LSAMP: variants seen among roughly 807,000 people sequenced by gnomAD.
LSAMP encodes limbic system-associated membrane protein.
In LSAMP, 7 loss-of-function variants were observed where a neutral mutation model predicts 38.6. The observed-to-expected ratio is 0.18, with a 90% CI of 0.10 to 0.34. The LOEUF is 0.34. Among genes scored for constraint, LSAMP ranks in the 10% least tolerant of loss-of-function variants. The probability of loss-of-function intolerance (pLI) is 1.00; values close to 1 mark genes in which losing one functional copy is unlikely to be tolerated. For synonymous variants in LSAMP, 154 were observed against 166.8 expected (o/e 0.92, Z 0.59); for missense variants, 313 against 420.0 (o/e 0.75, Z 2.23).
intron 2 of LSAMP, among the ~76,000 whole-genome samples, chr3:116,053,307 G>A (rs537722102): frequency 6.6e-6 from 1 of 152,304 alleles, no homozygotes; most frequent in African/African-American, 2.4e-5. Flanking sequence ...CTAGCTCAAG[G>A]TACTTCAGGG....
At chr3:116,207,239 C>T (rs371519397) in intron 1 of LSAMP, among the ~76,000 whole-genome samples, 2 of 151,786 alleles carry the variant, frequency 1.3e-5, no homozygotes, top group East Asian at 1.9e-4. Context: ...CTGCCTTTTT[C>T]TGTTTTCCAT....
chr3:115,903,185 C>T (rs1936922664), intron 3 of LSAMP, among the ~76,000 whole-genome samples: 1 of 152,126 alleles, frequency 6.6e-6, no homozygotes. Flanking sequence ...ATGTCCTTTG[C>T]AGGAACATGG....
intron 1 of LSAMP, among the ~76,000 whole-genome samples, chr3:116,272,536 T>TGAA (rs1229202489): frequency 6.6e-6 from 1 of 152,200 alleles, no homozygotes; most frequent in African/African-American, 2.4e-5. Flanking sequence ...AATTTCTCAA[T>TGAA]GAAGAATTAA....
Position 115,843,419 on chromosome 3 carries a change from A to T in LSAMP, c.650-841T>A, listed in dbSNP as rs535653616. The stretch of plus-strand genomic sequence containing the variant: ...GTTTGCATGTCCACTTGACTTTGTT[A>T]GGATTATAGACTCAAGCTCCTGAAC... On this transcript the variant is annotated intron_variant, in intron 4 of 6. Transcript: ENST00000490035. Among the ~76,000 whole-genome samples the T allele has an allele frequency of 1.1e-4, 16 of 152,166 alleles. No individual in the cohort carries two copies. In the South Asian group the frequency reaches 3.3e-3, roughly 32 times the overall value.
chr3:116,426,555 G>A (rs2049199347), intron 1 of LSAMP, among the ~76,000 whole-genome samples: 1 of 151,052 alleles, frequency 6.6e-6, no homozygotes, highest in Non-Finnish European at 1.5e-5. Flanking sequence ...TAGAATGATA[G>A]CAGTGGGAAT....
intron 1 of LSAMP, among the ~76,000 whole-genome samples, chr3:116,140,231 A>G (rs901980857): frequency 3.9e-5 from 6 of 151,996 alleles, no homozygotes; most frequent in South Asian, 2.1e-4. Flanking sequence ...AAACATGGAC[A>G]TCGAAAAACT....
chr3:116,076,623 G>T (rs1707750061), intron 2 of LSAMP, among the ~76,000 whole-genome samples: 1 of 152,018 alleles, frequency 6.6e-6, no homozygotes. Flanking sequence ...GATAAATTTG[G>T]TGTAATTTCA....
chr3:116,065,410 C>G (rs1707403248), intron 2 of LSAMP, among the ~76,000 whole-genome samples: 1 of 152,142 alleles, frequency 6.6e-6, no homozygotes, highest in Non-Finnish European at 1.5e-5. Flanking sequence ...TGGTTGATAT[C>G]TGTGAAAAAT....
intron 3 of LSAMP, among the ~76,000 whole-genome samples, chr3:115,897,979 C>T (rs1000052679): frequency 3.9e-5 from 6 of 152,106 alleles, no homozygotes; most frequent in Non-Finnish European, 7.4e-5. Flanking sequence ...CAGCTTTCCA[C>T]GCTGAATTCA....
intron 1 of LSAMP, among the ~76,000 whole-genome samples, chr3:116,182,437 C>G (rs1045424965): frequency 1.3e-5 from 2 of 151,346 alleles, no homozygotes; most frequent in Non-Finnish European, 3.0e-5. Flanking sequence ...GTCTAGCACT[C>G]ATGAAACTTA....
intron 3 of LSAMP, among the ~76,000 whole-genome samples, chr3:115,854,282 ATT>A (rs35263381): frequency 0.046 from 4,900 of 106,496 alleles, 250 homozygotes; most frequent in African/African-American, 0.17. Context: ...TATTATTATT[ATT>A]TTTTTTTTTT....
intron 3 of LSAMP, among the ~76,000 whole-genome samples, chr3:115,900,298 T>A (rs934871179): frequency 2.6e-5 from 4 of 152,086 alleles, no homozygotes; most frequent in Non-Finnish European, 5.9e-5. Flanking sequence ...GTGGATCACT[T>A]GAGGTCAGGA....
At chr3:115,944,313 TG>T (rs1193697748) in intron 3 of LSAMP, among the ~76,000 whole-genome samples, 2 of 152,180 alleles carry the variant, frequency 1.3e-5, no homozygotes, top group Non-Finnish European at 2.9e-5. Flanking sequence ...TTTGGATACA[TG>T]CATTGTTATC....
At chr3:115,866,539 T>A (rs1054834322) in intron 3 of LSAMP, among the ~76,000 whole-genome samples, 2 of 152,156 alleles carry the variant, frequency 1.3e-5, no homozygotes, top group African/African-American at 4.8e-5. Flanking sequence ...TTGGTGAACT[T>A]GGAGAATGAC....
At chr3:116,334,970 A>G (rs1394122758) in intron 1 of LSAMP, among the ~76,000 whole-genome samples, 1 of 152,078 alleles carries the variant, frequency 6.6e-6, no homozygotes, top group African/African-American at 2.4e-5. Flanking sequence ...ATGATTTTAT[A>G]TATAGAAAAT....
At chr3:115,861,968 G>A (rs1935717466) in intron 3 of LSAMP, among the ~76,000 whole-genome samples, 1 of 152,146 alleles carries the variant, frequency 6.6e-6, no homozygotes, top group Non-Finnish European at 1.5e-5. Flanking sequence ...CGGGGAAGAA[G>A]AGCAAAACTG....
At chr3:116,125,270 G>C (rs953046744) in intron 1 of LSAMP, among the ~76,000 whole-genome samples, 1 of 152,018 alleles carries the variant, frequency 6.6e-6, no homozygotes, top group African/African-American at 2.4e-5. Context: ...TTTTTTCCCA[G>C]ACAAAATCAA....
chr3:116,261,454 A>G (rs1422754556), intron 1 of LSAMP, among the ~76,000 whole-genome samples: 3 of 152,160 alleles, frequency 2.0e-5, no homozygotes, highest in Non-Finnish European at 2.9e-5. Context: ...AATTATCAGC[A>G]TGTCACCTCG....
In LSAMP at chr3:116,002,814, G is replaced by A. The variant is rs545584791; in HGVS notation, c.514+16701C>T. ...TGTTTCTCTTTTATCTCATATTTGG[G>A]TTTTCATAAGCCCTGATATTTGCAC... is the stretch of plus-strand genomic sequence containing the variant. On this transcript the variant is annotated intron_variant, in intron 3 of 6. Coordinates refer to ENST00000490035, the MANE Select transcript of LSAMP (RefSeq NM_002338.5). 4.6e-5 allele frequency among the ~76,000 whole-genome samples: 7 copies of A among 152,084 alleles called. 1 individual carries two copies. The South Asian group carries it at 1.2e-3, about 27-fold the overall frequency.
Sources: allele counts gnomAD v4.1 joint callset (sites outside exome capture counted in the v4.1 genomes callset), GRCh38; gene constraint gnomAD v4.1.1; transcripts MANE v1.5; gene names NCBI Gene and HGNC (gene_info 2026-07-23, HGNC 2026-07-21).